The following CYTH3 variants were observed in gnomAD, a reference collection of about 807,000 sequenced individuals.
CYTH3 encodes the protein cytohesin 3, also known as cytohesin-3.
A neutral mutation model predicts 55.1 loss-of-function variants in CYTH3; 23 were observed. The ratio of observed to expected loss-of-function variants is 0.42; its 90% CI spans 0.30 to 0.59. The LOEUF (loss-of-function observed/expected upper bound fraction) is 0.59. CYTH3 is among the 20% of genes least tolerant of loss of function. The probability of loss-of-function intolerance (pLI) is 0.20; values close to 1 mark genes in which losing one functional copy is unlikely to be tolerated. For missense variants in CYTH3, 413 were observed against 524.8 expected (o/e 0.79, Z 2.08); for synonymous variants, 249 against 194.9 (o/e 1.28, Z -2.31).
At chr7:6,165,997 C>T (rs912149757) in intron 9 of CYTH3, among the ~76,000 whole-genome samples, 187 bp from the exon 10 acceptor site, 6 of 152,238 alleles carry the variant, frequency 3.9e-5, no homozygotes, top group Admixed American at 6.5e-5. Flanking sequence ...CCCACACCGG[C>T]GCCCCCTCCA....
chr7:6,175,479 T>A (rs1271191901), intron 5 of CYTH3, among the ~76,000 whole-genome samples: 1 of 152,068 alleles, frequency 6.6e-6, no homozygotes, highest in Non-Finnish European at 1.5e-5. Flanking sequence ...TTCTGAATGC[T>A]GTTCCATCAT....
At chr7:6,268,430 A>G (rs905920987) in intron 1 of CYTH3, among the ~76,000 whole-genome samples, 1 of 152,164 alleles carries the variant, frequency 6.6e-6, no homozygotes, top group African/African-American at 2.4e-5. Flanking sequence ...TCGGCCTCCC[A>G]AAGTGCTAGG....
intron 1 of CYTH3, among the ~76,000 whole-genome samples, chr7:6,252,098 A>G (rs1445870883): frequency 1.3e-5 from 2 of 152,194 alleles, no homozygotes; most frequent in Non-Finnish European, 2.9e-5. Context: ...AATTACACTG[A>G]AACAGATAGG....
At chr7:6,175,736 G>A (rs575088304) in intron 5 of CYTH3, among the ~76,000 whole-genome samples, 5 of 151,884 alleles carry the variant, frequency 3.3e-5, no homozygotes, top group Admixed American at 1.3e-4. Flanking sequence ...TTGTAGACAT[G>A]GGGTTTCACC....
chr7:6,254,224 A>G (rs979695140), intron 1 of CYTH3, among the ~76,000 whole-genome samples: 1 of 152,078 alleles, frequency 6.6e-6, no homozygotes, highest in Non-Finnish European at 1.5e-5. Context: ...CTGATAAAAG[A>G]TAACTAAATA....
At position 6,164,542 on chromosome 7, in the gene CYTH3, G is replaced by A. The variant is rs1055818584; in HGVS notation, c.*402C>T. 2 of 219,612 alleles carry A rather than the reference G, an allele frequency of 9.1e-6. No individual in the cohort carries two copies. Among genetic ancestry groups the A allele is most frequent in the South Asian group, 8.7e-5 (1 of 11,432 alleles). The allele number at this position is 219,612 out of a possible 1,614,324, so 13.6% of individuals were successfully genotyped here. A position where few individuals can be genotyped will look rare whatever the true frequency, so the allele number is the denominator to read the frequency against. On this transcript the variant is annotated 3_prime_UTR_variant, in exon 13 of 13. Coordinates refer to ENST00000350796, the MANE Select transcript of CYTH3 (RefSeq NM_004227.4). ...CGAGTGAATGCGTTTGGCATGGTAC[G>A]AATGAGGCTCCCGTCTGTGGAATCC... is the stretch of plus-strand genomic sequence containing the variant.
Position 6,164,797 on chromosome 7 carries a change from G to A in CYTH3, c.*147C>T, listed in dbSNP as rs1782938476. On this transcript the variant is annotated 3_prime_UTR_variant, in exon 13 of 13. Coordinates refer to ENST00000350796, the MANE Select transcript of CYTH3 (RefSeq NM_004227.4). The stretch of plus-strand genomic sequence containing the variant: ...CCCCAGCCACGGCACGAGGCCTTGG[G>A]GATACCACCTGGGCCACGGTATGCT... 1.1e-6 allele frequency: 1 copy of A among 887,792 alleles called. No individual in the cohort carries two copies. The highest frequency in any genetic ancestry group is 1.8e-6 in the Non-Finnish European group (1 of 552,080). The allele number at this position is 887,792 out of a possible 1,614,324, so 55.0% of individuals were successfully genotyped here.
intron 1 of CYTH3, among the ~76,000 whole-genome samples, chr7:6,267,154 C>T (rs1780518059): frequency 6.6e-6 from 1 of 152,228 alleles, no homozygotes; most frequent in South Asian, 2.1e-4. Context: ...GTAAAAAGCT[C>T]CCTGAGGCCT....
chr7:6,244,220 T>TG (rs1365287907), intron 1 of CYTH3, among the ~76,000 whole-genome samples: 1 of 152,046 alleles, frequency 6.6e-6, no homozygotes, highest in Non-Finnish European at 1.5e-5. Flanking sequence ...CAAAACAGCC[T>TG]GGGGGGAAAA....
intron 1 of CYTH3, among the ~76,000 whole-genome samples, chr7:6,266,729 C>G (rs756787329): frequency 2.6e-5 from 4 of 152,234 alleles, no homozygotes; most frequent in Non-Finnish European, 4.4e-5. Flanking sequence ...TACACCTCTC[C>G]CATCCCACAC....
intron 1 of CYTH3, among the ~76,000 whole-genome samples, chr7:6,261,334 G>C (rs1393503780): frequency 6.6e-6 from 1 of 152,158 alleles, no homozygotes; most frequent in Non-Finnish European, 1.5e-5. Flanking sequence ...GAGGCCCTGG[G>C]AAGCAACCCA....
chr7:6,259,762 TATATATATA>T lies in CYTH3; in HGVS notation c.34+12703_34+12711del, dbSNP rs1780248021. Among the ~76,000 whole-genome samples, 3 of 25,612 alleles carry T rather than the reference TATATATATA, an allele frequency of 1.2e-4. 1 individual carries two copies. Among genetic ancestry groups the T allele is most frequent in the African/African-American group, 1.0e-3 (3 of 2,920 alleles). 16.8% of individuals were successfully genotyped at this position (25,612 alleles called of 152,430 possible). On this transcript the variant is annotated intron_variant, in intron 1 of 12. Transcript: ENST00000350796. ...ATATATAATATATATATATATTATA[TATATATATA>T]TTATATATATATAATATATATATAT...
chr7:6,178,251 C>G (rs898274655), intron 4 of CYTH3, among the ~76,000 whole-genome samples: 1 of 152,210 alleles, frequency 6.6e-6, no homozygotes, highest in Non-Finnish European at 1.5e-5. Context: ...TTAGATTTCC[C>G]AAGCTTAGAA....
intron 1 of CYTH3, among the ~76,000 whole-genome samples, chr7:6,253,200 A>G (rs1780015968): frequency 6.6e-6 from 1 of 151,130 alleles, no homozygotes; most frequent in African/African-American, 2.5e-5. Flanking sequence ...CTCTTCAAAA[A>G]GGTGTCACGA....
chr7:6,196,710 C>G (rs977179812), intron 1 of CYTH3, among the ~76,000 whole-genome samples: 4 of 152,144 alleles, frequency 2.6e-5, no homozygotes, highest in African/African-American at 9.6e-5. Context: ...ATCCACCCAC[C>G]TCAGCCTCTC....
intron 2 of CYTH3, chr7:6,188,917 C>T (rs1252812609): frequency 6.6e-6 from 1 of 152,158 alleles, no homozygotes; most frequent in Non-Finnish European, 1.5e-5. Context: ...CATGAATTAC[C>T]TTTCAAATAC....
chr7:6,197,440 T>C (rs982603824), intron 1 of CYTH3, among the ~76,000 whole-genome samples: 1 of 152,244 alleles, frequency 6.6e-6, no homozygotes, highest in Non-Finnish European at 1.5e-5. Flanking sequence ...CTCAGCACTT[T>C]GGAAGGCCGA....
intron 1 of CYTH3, among the ~76,000 whole-genome samples, chr7:6,246,668 C>T (rs1010587722): frequency 1.3e-5 from 2 of 151,926 alleles, no homozygotes; most frequent in African/African-American, 4.8e-5. Context: ...TCCTAACAGT[C>T]CCTGCCCCAC....
Position 6,170,633 on chromosome 7 carries a change from C to G in CYTH3, c.725G>C (p.Ser242Thr). 1 of 1,613,854 alleles carries G rather than the reference C, an allele frequency of 6.2e-7. No homozygotes were observed. Among genetic ancestry groups the G allele is most frequent in the South Asian group, 1.1e-5 (1 of 91,056 alleles). ...PEELLRNLYE[S>T]IKNEPFKIPE... ...GATCTTAAATGGCTCGTTCTTAATG[C>G]TCTCATACAAATTCTGCAAGGAGGG... Residue 242 changes from serine to threonine, a missense_variant, in exon 9 of 13, where the codon AGC (serine) becomes ACC (threonine). Physicochemically the swap from Ser to Thr is moderately conservative, Grantham distance 58 (BLOSUM62 1). Around this residue, in one of 4 missense-constraint regions of CYTH3, gnomAD observed 156 missense variants for 233.1 expected, o/e 0.67. Coordinates refer to ENST00000350796, the MANE Select transcript of CYTH3 (RefSeq NM_004227.4). This position sits in a 1 kb window ranked among gnomAD's most constrained non-coding sequence, Gnocchi z 7.8.
Sources: gnomAD v4.1 joint callset for allele counts (sites outside exome capture counted in the v4.1 genomes callset) on GRCh38, gnomAD v4.1.1 for gene constraint, gnomAD v4.1.1 regional missense constraint, Gnocchi (gnomAD v3.1) non-coding constraint, MANE v1.5 for transcripts, NCBI Gene and HGNC (gene_info 2026-07-23, HGNC 2026-07-21) for gene names.